Variants in SLIT1 observed in about 807,000 individuals in gnomAD.
SLIT1 encodes the protein slit homolog 1 protein.
Under a neutral mutation model 186.1 loss-of-function variants are expected in SLIT1, and 66 were observed. The observed-to-expected ratio is 0.35, with a 90% CI of 0.29 to 0.44. The LOEUF (loss-of-function observed/expected upper bound fraction) is 0.44. Ranked by LOEUF, SLIT1 falls within the 20% of genes least tolerant of loss-of-function variation. The probability of loss-of-function intolerance (pLI) is 1.00; values close to 1 mark genes in which losing one functional copy is unlikely to be tolerated. For synonymous variants in SLIT1, 761 were observed against 833.8 expected (o/e 0.91, Z 1.50); for missense variants, 1,638 against 2,037.4 (o/e 0.80, Z 3.77).
intron 4 of SLIT1, among the ~76,000 whole-genome samples, chr10:97,131,905 G>A (rs1356678229): frequency 1.3e-5 from 2 of 152,220 alleles, no homozygotes; most frequent in African/African-American, 4.8e-5. Flanking sequence ...AGCAGAAAGA[G>A]GTTAGGCAAC....
rs111364545 is a variant in SLIT1, at chr10:97,137,301, A to G, written c.413+20517T>C. The stretch of plus-strand genomic sequence containing the variant: ...TTCCACATGCTTGATATCCAGACCA[A>G]AATTCCAGAATCTCAGCCACATTTG... On this transcript the variant is annotated intron_variant, in intron 4 of 36. Transcript: ENST00000266058. 9.7e-3 allele frequency among the ~76,000 whole-genome samples: 1,478 copies of G among 152,308 alleles called. 21 individuals carry two copies. Among genetic ancestry groups the G allele is most frequent in the African/African-American group, 0.032 (1,333 of 41,570 alleles).
chr10:97,078,114 T>A (rs1000547123), intron 4 of SLIT1, among the ~76,000 whole-genome samples: 1 of 151,978 alleles, frequency 6.6e-6, no homozygotes, highest in Admixed American at 6.6e-5. Flanking sequence ...CTCAAAAATT[T>A]AAAAAATAAA....
At chr10:97,181,285 G>A (rs975698596) in intron 1 of SLIT1, among the ~76,000 whole-genome samples, 3 of 152,196 alleles carry the variant, frequency 2.0e-5, no homozygotes, top group Non-Finnish European at 2.9e-5. Flanking sequence ...AGATCCAATC[G>A]GGCCCTGATG....
At position 97,000,831 on chromosome 10, in the gene SLIT1, G is replaced by A. The variant is rs553439235; in HGVS notation, c.*281C>T. 4.2e-5 allele frequency: 19 copies of A among 452,426 alleles called. No homozygotes were observed. The highest frequency in any genetic ancestry group is 1.4e-4 in the African/African-American group (7 of 51,220). The allele number at this position is 452,426 out of a possible 1,614,324, so 28.0% of individuals were successfully genotyped here. ...TCTGCACTTCTTGGCCTGACCTCAC[G>A]CACACATTCACTCAACAAATATTTA... is the stretch of plus-strand genomic sequence containing the variant. On this transcript the variant is annotated 3_prime_UTR_variant, in exon 37 of 37. Coordinates refer to ENST00000266058, the MANE Select transcript of SLIT1 (RefSeq NM_003061.3).
chr10:97,000,947 T>G lies in SLIT1; in HGVS notation c.*165A>C. ...CCGCTGCCCCCAGCTATGGCGCAAT[T>G]TGCTTTTAAAAGGCTGCTCTGGCAC... On this transcript the variant is annotated 3_prime_UTR_variant, in exon 37 of 37. Coordinates refer to ENST00000266058, the MANE Select transcript of SLIT1 (RefSeq NM_003061.3). 1 of 611,858 alleles carries G rather than the reference T, an allele frequency of 1.6e-6. No individual in the cohort carries two copies. Among genetic ancestry groups the G allele is most frequent in the Admixed American group, 2.9e-5 (1 of 34,082 alleles). 37.9% of individuals were successfully genotyped at this position (611,858 alleles called of 1,614,324 possible). A position where few individuals can be genotyped will look rare whatever the true frequency, so the allele number is the denominator to read the frequency against.
At chr10:97,138,955 G>A (rs1422703263) in intron 4 of SLIT1, among the ~76,000 whole-genome samples, 1 of 152,186 alleles carries the variant, frequency 6.6e-6, no homozygotes. Flanking sequence ...GCAACCCGCA[G>A]CACCACCAGT....
chr10:97,132,591 T>C (rs1849664431), intron 4 of SLIT1, among the ~76,000 whole-genome samples: 1 of 152,190 alleles, frequency 6.6e-6, no homozygotes, highest in Admixed American at 6.5e-5. Flanking sequence ...TTCTGAGCCC[T>C]GGGCCCTGTC....
chr10:97,008,203 C>T (rs1482397568), intron 31 of SLIT1, among the ~76,000 whole-genome samples: 3 of 151,930 alleles, frequency 2.0e-5, no homozygotes, highest in Non-Finnish European at 2.9e-5. Context: ...GATTAATGCA[C>T]AAAAATCAAA....
intron 4 of SLIT1, among the ~76,000 whole-genome samples, chr10:97,148,897 A>G (rs1849844830): frequency 6.6e-6 from 1 of 152,160 alleles, no homozygotes; most frequent in Non-Finnish European, 1.5e-5. Context: ...AATCTTCCCA[A>G]TGGTTACGAA....
chr10:97,173,041 G>T (rs1325749058), intron 1 of SLIT1, among the ~76,000 whole-genome samples: 1 of 152,164 alleles, frequency 6.6e-6, no homozygotes, highest in Non-Finnish European at 1.5e-5. Context: ...CGCAGAGGAT[G>T]CTCCCATGTT....
chr10:97,065,999 C>A lies in SLIT1; in HGVS notation c.485+16G>T. ...TGGAGCCCCCACACCCTTCTCCCTCCCAGGCCTGTACTCACAAATTTTTAA... is the reference window on the plus strand; with the variant it reads ...TGGAGCCCCCACACCCTTCTCCCTCACAGGCCTGTACTCACAAATTTTTAA... On this transcript the variant is annotated intron_variant, in intron 5 of 36. Transcript: ENST00000266058. 1 of 1,588,542 alleles carries A rather than the reference C, an allele frequency of 6.3e-7. No individual in the cohort carries two copies. The highest frequency in any genetic ancestry group is 1.7e-5 in the Admixed American group (1 of 58,004).
At chr10:97,059,731 G>C (rs1848874454) in intron 10 of SLIT1, among the ~76,000 whole-genome samples, 200 bp from the exon 11 acceptor site, 1 of 152,132 alleles carries the variant, frequency 6.6e-6, no homozygotes, top group South Asian at 2.1e-4. Context: ...TGGGCAGGAG[G>C]GGGCACTCCA....
chr10:97,002,273 G>T lies in SLIT1; in HGVS notation c.4251C>A (p.Ala1417=). 6.2e-7 allele frequency: 1 copy of T among 1,608,000 alleles called. No homozygotes were observed. Among genetic ancestry groups the T allele is most frequent in the Non-Finnish European group, 8.5e-7 (1 of 1,177,844 alleles). The change falls in exon 36 of 37, where the codon GCC becomes GCA. Residue 1417 remains alanine, a synonymous_variant. Coordinates refer to ENST00000266058, the MANE Select transcript of SLIT1 (RefSeq NM_003061.3). ...GCAGGCCTCTGCAGGGCTCTGCCAG[G>T]GCCCCGGCCTGGTTGCACAGTGCCC... ...YSGALCNQAG[A]LAEPCRGLQC...
At chr10:97,061,510 T>G (rs1848893854) in intron 8 of SLIT1, among the ~76,000 whole-genome samples, 1 of 152,256 alleles carries the variant, frequency 6.6e-6, no homozygotes, top group Non-Finnish European at 1.5e-5. Flanking sequence ...TTGCCAAAGA[T>G]TTGTTCTGCT....
intron 4 of SLIT1, among the ~76,000 whole-genome samples, chr10:97,084,144 T>A (rs369344242): frequency 3.0e-4 from 46 of 152,302 alleles, no homozygotes; most frequent in African/African-American, 1.1e-3. Flanking sequence ...CTGACCACCA[T>A]TGTGAATATC....
At chr10:97,063,362 A>ATGG (rs1848911283) in intron 8 of SLIT1, 93 bp downstream of exon 8, 1 of 1,384,128 alleles carries the variant, frequency 7.2e-7, no homozygotes, top group Admixed American at 1.7e-5. Context: ...GGTGATGGGC[A>ATGG]GGCCAGGTAT....
intron 4 of SLIT1, among the ~76,000 whole-genome samples, chr10:97,072,587 G>T (rs749102750): frequency 1.3e-5 from 2 of 152,152 alleles, no homozygotes; most frequent in Non-Finnish European, 2.9e-5. Flanking sequence ...CCAAAGCTGG[G>T]TGTGGAACTG....
chr10:97,170,712 A>G (rs1034260290), intron 1 of SLIT1, among the ~76,000 whole-genome samples: 1 of 152,264 alleles, frequency 6.6e-6, no homozygotes, highest in African/African-American at 2.4e-5. Flanking sequence ...GCCTGAAAGG[A>G]AAACCTCGGT....
intron 4 of SLIT1, among the ~76,000 whole-genome samples, chr10:97,071,617 C>T (rs976317698): frequency 6.6e-6 from 1 of 152,156 alleles, no homozygotes; most frequent in Non-Finnish European, 1.5e-5. Context: ...GAATCAATGG[C>T]GGGTACTAAG....
Sources: gnomAD v4.1 joint callset for allele counts (sites outside exome capture counted in the v4.1 genomes callset) on GRCh38, gnomAD v4.1.1 for gene constraint, MANE v1.5 for transcripts, NCBI Gene and HGNC (gene_info 2026-07-23, HGNC 2026-07-21) for gene names.